The following JRK variants were observed in gnomAD, a reference collection of about 807,000 sequenced individuals.
JRK encodes the protein Jrk helix-turn-helix protein, also known as jerky protein homolog.
For synonymous variants in JRK, 303 were observed against 218.1 expected (o/e 1.39, Z -3.43); for missense variants, 720 against 509.2 (o/e 1.41, Z -3.98).
In JRK at chr8:142,662,406, G is replaced by A. The variant is rs1376707323; in HGVS notation, c.*1946C>T. Reference sequence around the variant, plus strand: ...TGTTGCCTCAAGCAGCTGCAATCCAGCAGTCTTGGTTAAGAGGCTCTATTA... The same window carrying A: ...TGTTGCCTCAAGCAGCTGCAATCCAACAGTCTTGGTTAAGAGGCTCTATTA... On this transcript the variant is annotated 3_prime_UTR_variant, in exon 2 of 2. Transcript: ENST00000612905. 25 of 985,408 alleles carry A rather than the reference G, an allele frequency of 2.5e-5. No individual in the cohort carries two copies. In the African/African-American group the frequency reaches 3.8e-4, roughly 15 times the overall value. The allele number at this position is 985,408 out of a possible 1,614,324, so 61.0% of individuals were successfully genotyped here. A position where few individuals can be genotyped will look rare whatever the true frequency, so the allele number is the denominator to read the frequency against.
downstream of JRK, among the ~76,000 whole-genome samples, chr8:142,654,808 G>C (rs587758179): frequency 6.6e-6 from 1 of 151,998 alleles, no homozygotes; most frequent in African/African-American, 2.4e-5. Flanking sequence ...CTGCAGCCAA[G>C]AGCCTTGAGC....
chr8:142,669,183 TGTGTGTGTGTGTGTGTGC>T lies in JRK; in HGVS notation c.-463+731_-463+748del, dbSNP rs1476821288. ...GGCATAGTGTGTGTGTGTGTGTGTGTGTGTGTGTGTGTGTGTGCGTGTGTGTGTTGGGGGGTATGGAGG... is the reference window on the plus strand; with the variant it reads ...GGCATAGTGTGTGTGTGTGTGTGTGTGTGTGTGTGTTGGGGGGTATGGAGG... On this transcript the variant is annotated intron_variant, in intron 1 of 1. Transcript: ENST00000612905. Among the ~76,000 whole-genome samples, 12 of 122,146 alleles carry T rather than the reference TGTGTGTGTGTGTGTGTGC, an allele frequency of 9.8e-5. No individual in the cohort carries two copies. In the East Asian group the frequency reaches 1.2e-3, roughly 12 times the overall value. 80.1% of individuals were successfully genotyped at this position (122,146 alleles called of 152,430 possible).
At chr8:142,651,680 A>G in the JRK span, among the ~76,000 whole-genome samples, 1 of 152,192 alleles carries the variant, frequency 6.6e-6, no homozygotes, top group East Asian at 1.9e-4. Flanking sequence ...CAACAAAAAC[A>G]GAAACAAACA....
At chr8:142,645,696 T>A in the JRK span, among the ~76,000 whole-genome samples, 41 of 136,902 alleles carry the variant, frequency 3.0e-4, no homozygotes, top group Admixed American at 1.3e-3. Flanking sequence ...AAAAAATATA[T>A]ATATACATCC....
chr8:142,653,188 G>C (rs1846695855), downstream of JRK, among the ~76,000 whole-genome samples: 3 of 152,190 alleles, frequency 2.0e-5, no homozygotes, highest in Admixed American at 6.5e-5. Context: ...AATGATAACA[G>C]CCCTTCCCAC....
At chr8:142,655,224 G>A (rs587758709), downstream of JRK, among the ~76,000 whole-genome samples, 1 of 152,314 alleles carries the variant, frequency 6.6e-6, no homozygotes, top group South Asian at 2.1e-4. Context: ...TTCAGAGGTG[G>A]CACCATTCAA....
rs781846959 is a variant in JRK, at chr8:142,663,454, T to C, written c.*898A>G. 10 of 985,464 alleles carry C rather than the reference T, an allele frequency of 1.0e-5. No individual in the cohort carries two copies. The highest frequency in any genetic ancestry group is 1.2e-5 in the Non-Finnish European group (10 of 829,934). The allele number at this position is 985,464 out of a possible 1,614,324, so 61.0% of individuals were successfully genotyped here. A position where few individuals can be genotyped will look rare whatever the true frequency, so the allele number is the denominator to read the frequency against. On this transcript the variant is annotated 3_prime_UTR_variant, in exon 2 of 2. Coordinates refer to ENST00000612905, the MANE Select transcript of JRK (RefSeq NM_003724.4). ...GCCTGTTTTACTGTTTTCAGTGACT[T>C]ACGTGCAAACCTAAGACTAATCTCT...
At position 142,665,852 on chromosome 8, in the gene JRK, G is replaced by T. The variant is rs2978973; in HGVS notation, c.207C>A (p.Ser69=). The change falls in exon 2 of 2, where the codon TCC becomes TCA. Residue 69 remains serine, a synonymous_variant. Coordinates refer to ENST00000612905, the MANE Select transcript of JRK (RefSeq NM_003724.4). ...GCTGCTCCAGCGCCTTGTTGGAGTC[G>T]GAGCTGGCGAAGAACCGGAGCAGCT... The part of the protein sequence containing the change: ...KAQLLRFFAS[S]DSNKALEQRR... 2.2e-5 allele frequency: 17 copies of T among 779,454 alleles called. No homozygotes were observed. Among genetic ancestry groups the T allele is most frequent in the Admixed American group, 3.4e-5 (2 of 58,814 alleles). 48.3% of individuals were successfully genotyped at this position (779,454 alleles called of 1,614,324 possible).
Position 142,660,517 on chromosome 8 carries a change from G to T in JRK, c.*3835C>A. ...CTGGGCTTGGGGATCCTCCCGCCTC[G>T]GCCTCCTGAGTAGCTGGGGTTACAG... On this transcript the variant is annotated 3_prime_UTR_variant, in exon 2 of 2. Transcript: ENST00000612905. The T allele has an allele frequency of 2.5e-6, 2 of 788,364 alleles. No homozygotes were observed. Among genetic ancestry groups the T allele is most frequent in the Non-Finnish European group, 3.1e-6 (2 of 650,836 alleles). The allele number at this position is 788,364 out of a possible 1,614,324, so 48.8% of individuals were successfully genotyped here.
At chr8:142,654,050 G>C (rs1554633413), downstream of JRK, among the ~76,000 whole-genome samples, 1 of 152,208 alleles carries the variant, frequency 6.6e-6, no homozygotes, top group African/African-American at 2.4e-5. Flanking sequence ...TGGCACATGA[G>C]AGTGGTGGGA....
intron 1 of JRK, among the ~76,000 whole-genome samples, chr8:142,668,040 A>T (rs1307222762): frequency 1.3e-5 from 2 of 152,216 alleles, no homozygotes; most frequent in East Asian, 3.9e-4. Context: ...CGGGCAGCTC[A>T]GCTGGCCGCC....
chr8:142,662,233 T>C lies in JRK; in HGVS notation c.*2119A>G, dbSNP rs1846938625. 1 of 985,436 alleles carries C rather than the reference T, an allele frequency of 1.0e-6. No individual in the cohort carries two copies. Among genetic ancestry groups the C allele is most frequent in the Non-Finnish European group, 1.2e-6 (1 of 829,948 alleles). 61.0% of individuals were successfully genotyped at this position (985,436 alleles called of 1,614,324 possible). The stretch of plus-strand genomic sequence containing the variant: ...GGGAAGAGCTCAGGTCCTGAAGAGC[T>C]ACAGTCTGACAGGGACAAGCCATGT... On this transcript the variant is annotated 3_prime_UTR_variant, in exon 2 of 2. Transcript: ENST00000612905.
In JRK at chr8:142,661,792, A is replaced by C. The variant is rs1846923840; in HGVS notation, c.*2560T>G. On this transcript the variant is annotated 3_prime_UTR_variant, in exon 2 of 2. Coordinates refer to ENST00000612905, the MANE Select transcript of JRK (RefSeq NM_003724.4). ...GGCTCCACCTGAGAGGGCTTGGGGAAAAAGATTCTGAGGCTAAAACATTCA... is the reference window on the plus strand; with the variant it reads ...GGCTCCACCTGAGAGGGCTTGGGGACAAAGATTCTGAGGCTAAAACATTCA... The C allele has an allele frequency of 2.0e-6, 2 of 985,454 alleles. No homozygotes were observed. The highest frequency in any genetic ancestry group is 3.5e-5 in the African/African-American group (2 of 57,234). The allele number at this position is 985,454 out of a possible 1,614,324, so 61.0% of individuals were successfully genotyped here.
chr8:142,659,381 A>T lies in JRK; in HGVS notation c.*4971T>A. On this transcript the variant is annotated 3_prime_UTR_variant, in exon 2 of 2. Coordinates refer to ENST00000612905, the MANE Select transcript of JRK (RefSeq NM_003724.4). ...TTCCTTTGGCTACTAAGGAGGCCCA[A>T]CGATCCTCGCCTGTGTGGGACGGGG... 1.0e-6 allele frequency: 1 copy of T among 990,050 alleles called. No individual in the cohort carries two copies. The highest frequency in any genetic ancestry group is 1.1e-4 in the East Asian group (1 of 8,998). The allele number at this position is 990,050 out of a possible 1,614,324, so 61.3% of individuals were successfully genotyped here. A position where few individuals can be genotyped will look rare whatever the true frequency, so the allele number is the denominator to read the frequency against.
the JRK span, among the ~76,000 whole-genome samples, chr8:142,646,680 TAA>T: frequency 2.6e-5 from 4 of 152,210 alleles, no homozygotes; most frequent in East Asian, 1.9e-4. Flanking sequence ...AGATTTTACT[TAA>T]GTTACATAAA....
chr8:142,669,163 AGTGTGTGTGT>A (rs59300327), intron 1 of JRK, among the ~76,000 whole-genome samples: 34 of 136,212 alleles, frequency 2.5e-4, no homozygotes, highest in African/African-American at 4.8e-4. Context: ...GCAGGGGCAT[AGTGTGTGTGT>A]GTGTGTGTGT....
At chr8:142,656,379 A>G (rs1240672100), downstream of JRK, among the ~76,000 whole-genome samples, 1 of 152,156 alleles carries the variant, frequency 6.6e-6, no homozygotes, top group Admixed American at 6.6e-5. Context: ...GTCACCCTGG[A>G]TGACAGTGGT....
rs1413078258 is a variant in JRK, at chr8:142,662,005, T to TGAGGAGGGGCTGCAGGAG, written c.*2329_*2346dup. ...ACCTCACTCCAGCAGCGAGCCCAGGTGAGGAGGGGCTGCAGGAGGAGCAGG... is the reference window on the plus strand; with the variant it reads ...ACCTCACTCCAGCAGCGAGCCCAGGTGAGGAGGGGCTGCAGGAGGAGGAGGGGCTGCAGGAGGAGCAGG... On this transcript the variant is annotated 3_prime_UTR_variant, in exon 2 of 2. Coordinates refer to ENST00000612905, the MANE Select transcript of JRK (RefSeq NM_003724.4). 2.0e-6 allele frequency: 2 copies of TGAGGAGGGGCTGCAGGAG among 985,088 alleles called. No individual in the cohort carries two copies. The highest frequency in any genetic ancestry group is 3.5e-5 in the African/African-American group (2 of 57,102). 61.0% of individuals were successfully genotyped at this position (985,088 alleles called of 1,614,324 possible).
In JRK at chr8:142,660,596, C is replaced by T; in HGVS notation, c.*3756G>A. ...CTTTTACTTTCTGTAGAGATGGGGT[C>T]TCCCTATGTTGCCCAGGCTGGTTTC... On this transcript the variant is annotated 3_prime_UTR_variant, in exon 2 of 2. Coordinates refer to ENST00000612905, the MANE Select transcript of JRK (RefSeq NM_003724.4). 1 of 744,782 alleles carries T rather than the reference C, an allele frequency of 1.3e-6. No individual in the cohort carries two copies. Among genetic ancestry groups the T allele is most frequent in the Non-Finnish European group, 1.6e-6 (1 of 612,180 alleles). The allele number at this position is 744,782 out of a possible 1,614,324, so 46.1% of individuals were successfully genotyped here.
Sources: gnomAD v4.1 joint callset for allele counts (sites outside exome capture counted in the v4.1 genomes callset) on GRCh38, gnomAD v4.1.1 for gene constraint, MANE v1.5 for transcripts, NCBI Gene and HGNC (gene_info 2026-07-23, HGNC 2026-07-21) for gene names.